The following ZNF609 variants were observed in gnomAD, a reference collection of about 807,000 sequenced individuals.
ZNF609 encodes zinc finger protein 609.
ZNF609 carries 11 observed loss-of-function variants against 109.5 expected under a neutral mutation model. That is an observed-to-expected ratio of 0.10 (90% CI 0.06 to 0.17). ZNF609 has a LOEUF of 0.17. Among genes scored for constraint, ZNF609 ranks in the 10% least tolerant of loss-of-function variants. The pLI, the probability that ZNF609 is intolerant of heterozygous loss-of-function variation, is 1.00. For synonymous variants in ZNF609, 646 were observed against 662.0 expected (o/e 0.98, Z 0.37); for missense variants, 1,559 against 1,772.4 (o/e 0.88, Z 2.16).
At chr15:64,481,046 C>A (rs2140337271) in intron 1 of ZNF609, among the ~76,000 whole-genome samples, 1 of 152,192 alleles carries the variant, frequency 6.6e-6, no homozygotes, top group Middle Eastern at 3.4e-3. Flanking sequence ...AATAATTATA[C>A]CGTGATTAAG....
At chr15:64,514,858 A>G (rs936349079) in intron 2 of ZNF609, among the ~76,000 whole-genome samples, 15 of 152,190 alleles carry the variant, frequency 9.9e-5, no homozygotes, top group African/African-American at 3.6e-4. Flanking sequence ...GCTGGCCCCA[A>G]ACTCCTAGTC....
At chr15:64,469,047 A>AC (rs1366227586) in intron 1 of ZNF609, among the ~76,000 whole-genome samples, 3 of 140,960 alleles carry the variant, frequency 2.1e-5, no homozygotes, top group African/African-American at 7.7e-5. Context: ...AAAAAAAAAA[A>AC]AAAAAAAAAC....
At chr15:64,535,564 GA>G (rs1418382021) in intron 2 of ZNF609, among the ~76,000 whole-genome samples, 1 of 151,830 alleles carries the variant, frequency 6.6e-6, no homozygotes. Flanking sequence ...GGACTATTAT[GA>G]AAAAAAATGG....
chr15:64,678,094 C>T (rs200522832), intron 5 of ZNF609, 22 bp from the exon 6 acceptor site: 37 of 1,601,834 alleles, frequency 2.3e-5, no homozygotes, highest in Non-Finnish European at 2.9e-5. Context: ...AACACCCAGT[C>T]GTTGTTCTGT....
intron 2 of ZNF609, among the ~76,000 whole-genome samples, chr15:64,592,559 CAG>C (rs1895318226): frequency 6.6e-6 from 1 of 151,982 alleles, no homozygotes; most frequent in Admixed American, 6.6e-5. Flanking sequence ...GCCTGCATGA[CAG>C]AGTGAGACTG....
chr15:64,517,701 CT>C (rs1045658234), intron 2 of ZNF609, among the ~76,000 whole-genome samples: 56 of 151,776 alleles, frequency 3.7e-4, no homozygotes, highest in African/African-American at 1.3e-3. Context: ...AAGATCCCAT[CT>C]AAAAAAATAA....
chr15:64,576,967 CAT>C (rs1302236176), intron 2 of ZNF609, among the ~76,000 whole-genome samples: 8 of 133,074 alleles, frequency 6.0e-5, no homozygotes, highest in African/African-American at 2.0e-4. Context: ...TATATATACA[CAT>C]AAATATATAT....
At chr15:64,500,521 T>C (rs2140351261) in intron 2 of ZNF609, 1 of 613,794 alleles carries the variant, frequency 1.6e-6, no homozygotes, top group Non-Finnish European at 2.9e-6. Flanking sequence ...TTTCCCAGCT[T>C]GACTGGCATT....
intron 3 of ZNF609, among the ~76,000 whole-genome samples, chr15:64,634,552 T>TATCTA: frequency 6.6e-6 from 1 of 152,330 alleles, no homozygotes; most frequent in South Asian, 2.1e-4. Flanking sequence ...TATCTAATTT[T>TATCTA]AGATATTTGC....
intron 2 of ZNF609, among the ~76,000 whole-genome samples, chr15:64,563,864 G>T (rs538044079): frequency 6.6e-6 from 1 of 152,102 alleles, no homozygotes; most frequent in Admixed American, 6.6e-5. Context: ...GGGATTACAG[G>T]CGTGAGTCGC....
intron 2 of ZNF609, among the ~76,000 whole-genome samples, chr15:64,588,853 G>C (rs987026856): frequency 4.6e-5 from 7 of 151,992 alleles, no homozygotes; most frequent in African/African-American, 7.3e-5. Context: ...GGTCAGGCTG[G>C]TCTCGAACTC....
At chr15:64,576,935 CAT>C (rs1448473031) in intron 2 of ZNF609, among the ~76,000 whole-genome samples, 16 of 120,060 alleles carry the variant, frequency 1.3e-4, no homozygotes, top group South Asian at 5.1e-4. Flanking sequence ...TGTATATATA[CAT>C]ATAAATATAT....
chr15:64,599,094 A>T (rs1763082874), intron 2 of ZNF609, among the ~76,000 whole-genome samples: 1 of 149,828 alleles, frequency 6.7e-6, no homozygotes, highest in Non-Finnish European at 1.5e-5. Context: ...CTTTTCCCAT[A>T]ATGTACTTCC....
intron 2 of ZNF609, among the ~76,000 whole-genome samples, chr15:64,552,106 A>G (rs1004523063): frequency 1.3e-5 from 2 of 152,144 alleles, no homozygotes; most frequent in Admixed American, 6.6e-5. Context: ...TGATTAGCAA[A>G]TATTTTCTTC....
Position 64,680,455 on chromosome 15 carries a change from C to T in ZNF609, c.3945+95C>T, listed in dbSNP as rs988361411. ...GGTGGGCAAGTTCAGGTCCTGACCA[C>T]AGTGCAGCTTGGCTGACTTGACACT... is the stretch of plus-strand genomic sequence containing the variant. On this transcript the variant is annotated intron_variant, in intron 7 of 9. Coordinates refer to ENST00000326648, the MANE Select transcript of ZNF609 (RefSeq NM_015042.2). 10 of 1,494,010 alleles carry T rather than the reference C, an allele frequency of 6.7e-6. No homozygotes were observed. In the African/African-American group the frequency reaches 6.9e-5, roughly 10 times the overall value. 92.5% of individuals were successfully genotyped at this position (1,494,010 alleles called of 1,614,324 possible). A position where few individuals can be genotyped will look rare whatever the true frequency, so the allele number is the denominator to read the frequency against.
intron 2 of ZNF609, chr15:64,500,457 T>C: frequency 1.5e-6 from 1 of 662,394 alleles, no homozygotes; most frequent in East Asian, 2.7e-5. Flanking sequence ...TCCCACCTTG[T>C]CTTTGCCCAC....
At position 64,676,137 on chromosome 15, in the gene ZNF609, G is replaced by A; in HGVS notation, c.3283G>A (p.Glu1095Lys). 6.2e-7 allele frequency: 1 copy of A among 1,614,198 alleles called. No individual in the cohort carries two copies. Among genetic ancestry groups the A allele is most frequent in the East Asian group, 2.2e-5 (1 of 44,870 alleles). Residue 1095 changes from glutamate to lysine, a missense_variant, in exon 5 of 10, where the codon GAA (glutamate) becomes AAA (lysine). Glu to Lys is a moderately conservative substitution (Grantham distance 56). Coordinates refer to ENST00000326648, the MANE Select transcript of ZNF609 (RefSeq NM_015042.2). ...DSSKLPGQAP[E>K]GLKVKLSDAS... ...TTCAAAACTCCCGGGCCAGGCCCCT[G>A]AAGGCCTTAAAGTGAAGCTGAGTGA... is the stretch of plus-strand genomic sequence containing the variant.
At chr15:64,585,662 AG>A (rs1459612549) in intron 2 of ZNF609, among the ~76,000 whole-genome samples, 3 of 152,174 alleles carry the variant, frequency 2.0e-5, no homozygotes, top group Non-Finnish European at 4.4e-5. Flanking sequence ...CACCTAATTG[AG>A]CACTCAGTAA....
chr15:64,596,989 G>A (rs532139077), intron 2 of ZNF609, among the ~76,000 whole-genome samples: 1 of 152,200 alleles, frequency 6.6e-6, no homozygotes, highest in East Asian at 1.9e-4. Context: ...TATTATCTCT[G>A]TTCTTCAGCT....
Sources: allele counts gnomAD v4.1 joint callset (sites outside exome capture counted in the v4.1 genomes callset), GRCh38; gene constraint gnomAD v4.1.1; transcripts MANE v1.5; gene names NCBI Gene and HGNC (gene_info 2026-07-23, HGNC 2026-07-21).